Variants in SYT9 observed in about 807,000 individuals in gnomAD.
SYT9 encodes the protein synaptotagmin 9.
In SYT9, 22 loss-of-function variants were observed where a neutral mutation model predicts 48.4. The observed-to-expected ratio is 0.45, with a 90% CI of 0.32 to 0.65. The LOEUF is 0.65. SYT9 is among the 30% of genes least tolerant of loss of function. The pLI, the probability that SYT9 is intolerant of heterozygous loss-of-function variation, is 0.03. For missense variants in SYT9, 577 were observed against 622.0 expected (o/e 0.93, Z 0.77); for synonymous variants, 265 against 245.0 (o/e 1.08, Z -0.76).
At chr11:7,328,983 G>A (rs1037071085) in intron 3 of SYT9, among the ~76,000 whole-genome samples, 5 of 152,144 alleles carry the variant, frequency 3.3e-5, no homozygotes, top group South Asian at 2.1e-4. Flanking sequence ...GCCATACTTC[G>A]AGACTTCTCT....
intron 3 of SYT9, among the ~76,000 whole-genome samples, chr11:7,413,438 G>A (rs1266069272): frequency 6.6e-6 from 1 of 152,130 alleles, no homozygotes; most frequent in Non-Finnish European, 1.5e-5. Context: ...CAATTTCTAG[G>A]CAGCTCTCTG....
At chr11:7,455,215 G>T (rs1186580519) in intron 6 of SYT9, among the ~76,000 whole-genome samples, 2 of 139,256 alleles carry the variant, frequency 1.4e-5, no homozygotes, top group Non-Finnish European at 3.1e-5. Context: ...GAAAAAAAAA[G>T]CAAGCTGCAA....
At chr11:7,458,771 T>C (rs1848194666) in intron 6 of SYT9, among the ~76,000 whole-genome samples, 1 of 151,664 alleles carries the variant, frequency 6.6e-6, no homozygotes, top group Admixed American at 6.6e-5. Context: ...GAGAGAGAAG[T>C]AGGGGATGAG....
rs141341533 is a variant in SYT9, at chr11:7,286,976, C to G, written c.146-16063C>G. 3.6e-3 allele frequency among the ~76,000 whole-genome samples: 549 copies of G among 152,358 alleles called. 5 individuals carry two copies. Among genetic ancestry groups the G allele is most frequent in the African/African-American group, 0.013 (541 of 41,584 alleles). On this transcript the variant is annotated intron_variant, in intron 1 of 6. Transcript: ENST00000318881. ...ACTCTTCCAACTGCTGCCTGTTACCCAGTTCCAAAGTCGCTTTTATATTTT... is the reference window on the plus strand; with the variant it reads ...ACTCTTCCAACTGCTGCCTGTTACCGAGTTCCAAAGTCGCTTTTATATTTT...
intron 2 of SYT9, 73 bp from the exon 3 acceptor site, chr11:7,313,322 C>A (rs1849174717): frequency 2.0e-6 from 3 of 1,475,572 alleles, no homozygotes; most frequent in Non-Finnish European, 2.7e-6. Flanking sequence ...CTACCTACAT[C>A]CCAGGCAAAA....
Position 7,423,030 on chromosome 11 carries a change from G to A in SYT9, c.1467+2395G>A, listed in dbSNP as rs1018513051. ...AAACTTAGAAGTCATTTGTTACAGC[G>A]GCTAAAATTACTTTGGCCAATACAA... On this transcript the variant is annotated intron_variant, in intron 6 of 6. Coordinates refer to ENST00000318881, the MANE Select transcript of SYT9 (RefSeq NM_175733.4). Among the ~76,000 whole-genome samples the A allele has an allele frequency of 4.1e-4, 63 of 152,290 alleles. 1 individual carries two copies. The highest frequency in any genetic ancestry group is 8.4e-4 in the Non-Finnish European group (57 of 68,018).
At chr11:7,418,514 A>G (rs143946494) in intron 5 of SYT9, among the ~76,000 whole-genome samples, 35 of 152,346 alleles carry the variant, frequency 2.3e-4, no homozygotes, top group African/African-American at 8.2e-4. Flanking sequence ...ATTCCACTCA[A>G]AATGGCAGAA....
At chr11:7,338,807 G>T (rs988187267) in intron 3 of SYT9, among the ~76,000 whole-genome samples, 1 of 152,132 alleles carries the variant, frequency 6.6e-6, no homozygotes, top group Non-Finnish European at 1.5e-5. Context: ...GTGATGAGAA[G>T]AATATATATT....
At chr11:7,413,929 C>A (rs1472800544) in intron 3 of SYT9, among the ~76,000 whole-genome samples, 2 of 152,102 alleles carry the variant, frequency 1.3e-5, no homozygotes, top group East Asian at 3.9e-4. Flanking sequence ...CAAATATGGA[C>A]TTTTGCCTGG....
At chr11:7,375,870 G>C (rs1454591555) in intron 3 of SYT9, among the ~76,000 whole-genome samples, 4 of 152,006 alleles carry the variant, frequency 2.6e-5, no homozygotes, top group Non-Finnish European at 4.4e-5. Context: ...CTGTTGCTCA[G>C]GGTTGTTTTC....
At chr11:7,452,194 TAAATC>T (rs762417174) in intron 6 of SYT9, among the ~76,000 whole-genome samples, 2 of 150,296 alleles carry the variant, frequency 1.3e-5, no homozygotes, top group Non-Finnish European at 3.0e-5. Context: ...AAGTGTAAAA[TAAATC>T]AAAAGTATAG....
intron 3 of SYT9, among the ~76,000 whole-genome samples, chr11:7,315,826 T>C (rs181897965): frequency 1.3e-5 from 2 of 152,304 alleles, no homozygotes; most frequent in East Asian, 3.9e-4. Context: ...TGTTGGAAAA[T>C]CCTGGATTTC....
chr11:7,454,232 C>G, intron 6 of SYT9: 1 of 985,408 alleles, frequency 1.0e-6, no homozygotes, highest in Non-Finnish European at 1.2e-6. Context: ...CCCTTTCTCT[C>G]TAGCCCTTAG....
At chr11:7,363,648 T>C (rs751809115) in intron 3 of SYT9, among the ~76,000 whole-genome samples, 14 of 152,050 alleles carry the variant, frequency 9.2e-5, no homozygotes, top group Non-Finnish European at 1.6e-4. Flanking sequence ...CATTTAAAGG[T>C]CCAATGAAGT....
At chr11:7,351,799 A>G (rs906958653) in intron 3 of SYT9, among the ~76,000 whole-genome samples, 3 of 152,228 alleles carry the variant, frequency 2.0e-5, no homozygotes, top group African/African-American at 7.2e-5. Context: ...TTTTACAGAC[A>G]TCACCAGGAG....
At chr11:7,267,897 A>G (rs1250029733) in intron 1 of SYT9, among the ~76,000 whole-genome samples, 1 of 151,984 alleles carries the variant, frequency 6.6e-6, no homozygotes, top group African/African-American at 2.4e-5. Context: ...AAGAATAAGA[A>G]AGAGGATTTA....
chr11:7,339,217 A>G (rs1427914812), intron 3 of SYT9, among the ~76,000 whole-genome samples: 2 of 152,054 alleles, frequency 1.3e-5, no homozygotes, highest in African/African-American at 4.8e-5. Flanking sequence ...ATTTTCCTCC[A>G]TCCCTTTATT....
chr11:7,252,169 C>G lies in SYT9; in HGVS notation c.-18C>G. The G allele has an allele frequency of 2.1e-6, 3 of 1,428,792 alleles. No homozygotes were observed. The highest frequency in any genetic ancestry group is 2.7e-6 in the Non-Finnish European group (3 of 1,094,306). The allele number at this position is 1,428,792 out of a possible 1,614,324, so 88.5% of individuals were successfully genotyped here. On this transcript the variant is annotated 5_prime_UTR_variant, in exon 1 of 7. Coordinates refer to ENST00000318881, the MANE Select transcript of SYT9 (RefSeq NM_175733.4). This position sits in a 1 kb window ranked among gnomAD's most constrained non-coding sequence, Gnocchi z 6.3. ...CTGCGCCCGCCTGCCCGGCGCGGTCCGAGGATGCGGGGGGGCGATGCCCGG... is the reference window on the plus strand; with the variant it reads ...CTGCGCCCGCCTGCCCGGCGCGGTCGGAGGATGCGGGGGGGCGATGCCCGG...
At chr11:7,315,384 C>G (rs764670228) in intron 3 of SYT9, among the ~76,000 whole-genome samples, 11 of 152,172 alleles carry the variant, frequency 7.2e-5, no homozygotes, top group Non-Finnish European at 7.3e-5. Flanking sequence ...ACGAATGGCT[C>G]AGGCATCACC....
Sources: allele counts gnomAD v4.1 joint callset (sites outside exome capture counted in the v4.1 genomes callset), GRCh38; gene constraint gnomAD v4.1.1; non-coding constraint Gnocchi (gnomAD v3.1); transcripts MANE v1.5; gene names NCBI Gene and HGNC (gene_info 2026-07-23, HGNC 2026-07-21).